GGPS1: variants seen among roughly 807,000 people sequenced by gnomAD.
GGPS1 encodes the protein geranylgeranyl pyrophosphate synthase.
In GGPS1, 15 loss-of-function variants were observed where a neutral mutation model predicts 28.1. That is an observed-to-expected ratio of 0.53 (90% CI 0.36 to 0.82). The LOEUF is 0.82. Among genes scored for constraint, GGPS1 ranks in the 40% least tolerant of loss-of-function variants. GGPS1 has a pLI of 0.01. For missense variants in GGPS1, 284 were observed against 348.3 expected (o/e 0.82, Z 1.47); for synonymous variants, 138 against 122.4 (o/e 1.13, Z -0.84).
rs1676085205 is a variant in GGPS1, at chr1:235,342,597, T to C, written c.728T>C (p.Ile243Thr). Residue 243 changes from isoleucine (I) to threonine (T), a missense_variant, in exon 4 of 4, where the codon ATA becomes ACA. Transcript: ENST00000282841. Reference protein sequence around the residue: ...ILRQRTENIDIKKYCVHYLED... With the variant: ...ILRQRTENIDTKKYCVHYLED... The stretch of plus-strand genomic sequence containing the variant: ...CGCCAGAGAACAGAAAACATAGATA[T>C]AAAAAAATACTGTGTACATTATCTT... 1 of 1,611,488 alleles carries C rather than the reference T, an allele frequency of 6.2e-7. No homozygotes were observed. Among genetic ancestry groups the C allele is most frequent in the Non-Finnish European group, 8.5e-7 (1 of 1,177,648 alleles).
intron 1 of GGPS1, 22 bp downstream of exon 1, chr1:235,328,800 TG>T: frequency 9.4e-6 from 1 of 106,672 alleles, no homozygotes; most frequent in Non-Finnish European, 1.9e-5. Context: ...TGGCGGCGGC[TG>T]GGGGGAACCC....
At chr1:235,329,363 AC>A (rs1211556185) in intron 1 of GGPS1, 1 of 152,260 alleles carries the variant, frequency 6.6e-6, no homozygotes, top group Non-Finnish European at 1.5e-5. Context: ...GCCTTCGTAG[AC>A]CTGCGCCTGG....
At chr1:235,338,093 GA>G (rs1214963822) in intron 2 of GGPS1, among the ~76,000 whole-genome samples, 1 of 151,964 alleles carries the variant, frequency 6.6e-6, no homozygotes, top group Non-Finnish European at 1.5e-5. Flanking sequence ...AATTATTTTG[GA>G]ACTCAGCCAG....
chr1:235,333,879 A>G (rs1675792360), intron 1 of GGPS1, among the ~76,000 whole-genome samples: 1 of 152,234 alleles, frequency 6.6e-6, no homozygotes, highest in Admixed American at 6.5e-5. Context: ...CCCAAGAAGC[A>G]AAAGAAAGAG....
At chr1:235,341,670 C>T (rs1483767348) in intron 2 of GGPS1, 38 bp from the exon 3 acceptor site, 11 of 1,099,642 alleles carry the variant, frequency 1.0e-5, no homozygotes, top group Non-Finnish European at 1.4e-5. Flanking sequence ...ATAATTAAAA[C>T]ACTTATCACA....
chr1:235,332,629 A>G (rs2103340231), intron 1 of GGPS1, among the ~76,000 whole-genome samples: 1 of 152,258 alleles, frequency 6.6e-6, no homozygotes, highest in South Asian at 2.1e-4. Context: ...CAGTGTGTTT[A>G]TTTACTGAAA....
rs138463872 is a variant in GGPS1 at position 235,335,354 on chromosome 1, C to G, written c.70+20C>G. 3,972 of 1,132,788 alleles carry G rather than the reference C, an allele frequency of 3.5e-3. 7 individuals are homozygous for G. Among genetic ancestry groups the G allele is most frequent in the Middle Eastern group, 4.9e-3 (25 of 5,110 alleles). 70.2% of individuals were successfully genotyped at this position (1,132,788 alleles called of 1,614,324 possible). On this transcript the variant is annotated intron_variant, in intron 2 of 3. Transcript: ENST00000282841. Reference sequence around the variant, plus strand: ...TACCAGGTAATACTTCACTTACAGTCCATATAGGGTCATTTTCATGCAGTA... The same window carrying G: ...TACCAGGTAATACTTCACTTACAGTGCATATAGGGTCATTTTCATGCAGTA...
At position 235,335,315 on chromosome 1, in the gene GGPS1, ATACT is replaced by A. The variant is rs763933452; in HGVS notation, c.57_60del (p.Leu19PhefsTer8). 3 of 1,528,604 alleles carry A rather than the reference ATACT, an allele frequency of 2.0e-6. No individual in the cohort carries two copies. Among genetic ancestry groups the A allele is most frequent in the Non-Finnish European group, 1.8e-6 (2 of 1,104,012 alleles). 94.7% of individuals were successfully genotyped at this position (1,528,604 alleles called of 1,614,324 possible). A position where few individuals can be genotyped will look rare whatever the true frequency, so the allele number is the denominator to read the frequency against. Reference sequence around the variant, plus strand: ...AAAGAATTCTTCTAGAACCCTATAAATACTTACTTCAGTTACCAGGTAATACTTC... The same window carrying A: ...AAAGAATTCTTCTAGAACCCTATAAATACTTCAGTTACCAGGTAATACTTC... On this transcript the variant is annotated frameshift_variant, in exon 2 of 4. Coordinates refer to ENST00000282841, the MANE Select transcript of GGPS1 (RefSeq NM_004837.4). LOFTEE classifies it high-confidence loss of function.
intron 1 of GGPS1, among the ~76,000 whole-genome samples, chr1:235,333,746 A>T (rs1012238145): frequency 6.6e-6 from 1 of 152,178 alleles, no homozygotes; most frequent in East Asian, 1.9e-4. Flanking sequence ...AAATCCAATG[A>T]TGTGCAACTC....
At chr1:235,332,162 G>T (rs969317518) in intron 1 of GGPS1, among the ~76,000 whole-genome samples, 6 of 152,128 alleles carry the variant, frequency 3.9e-5, no homozygotes, top group African/African-American at 1.4e-4. Flanking sequence ...CTTTTAGGGG[G>T]TCCATCACCC....
At chr1:235,341,591 G>C (rs1016464792) in intron 2 of GGPS1, 117 bp from the exon 3 acceptor site, 7 of 715,714 alleles carry the variant, frequency 9.8e-6, no homozygotes, top group African/African-American at 8.9e-5. Context: ...GGATTGATGA[G>C]GCTGGATTTA....
intron 2 of GGPS1, among the ~76,000 whole-genome samples, chr1:235,340,169 C>T (rs555934317): frequency 3.3e-5 from 5 of 152,058 alleles, no homozygotes; most frequent in African/African-American, 9.6e-5. Context: ...TTGAGCTTTC[C>T]GTGTAAGAAA....
At chr1:235,332,107 T>A (rs1675734358) in intron 1 of GGPS1, among the ~76,000 whole-genome samples, 1 of 152,174 alleles carries the variant, frequency 6.6e-6, no homozygotes, top group Non-Finnish European at 1.5e-5. Context: ...GGGGTGCAAG[T>A]GTAGTTTTAT....
intron 3 of GGPS1, 109 bp from the exon 4 acceptor site, chr1:235,341,902 T>C (rs1050825634): frequency 2.3e-6 from 2 of 853,344 alleles, no homozygotes; most frequent in Non-Finnish European, 3.6e-6. Flanking sequence ...GGTTGCTAAA[T>C]ATTTATTAGT....
In GGPS1 at chr1:235,335,366, A is replaced by G. The variant is rs541686720; in HGVS notation, c.70+32A>G. 5.2e-6 allele frequency: 5 copies of G among 969,972 alleles called. No individual in the cohort carries two copies. In the South Asian group the frequency reaches 5.5e-5, roughly 11 times the overall value. 60.1% of individuals were successfully genotyped at this position (969,972 alleles called of 1,614,324 possible). A position where few individuals can be genotyped will look rare whatever the true frequency, so the allele number is the denominator to read the frequency against. ...CTTCACTTACAGTCCATATAGGGTC[A>G]TTTTCATGCAGTAGTGGTCGTTCAA... is the stretch of plus-strand genomic sequence containing the variant. On this transcript the variant is annotated intron_variant, in intron 2 of 3. Coordinates refer to ENST00000282841, the MANE Select transcript of GGPS1 (RefSeq NM_004837.4).
intron 1 of GGPS1, 86 bp from the exon 2 acceptor site, chr1:235,335,156 A>AT: frequency 1.6e-6 from 1 of 643,534 alleles, no homozygotes; most frequent in African/African-American, 1.8e-5. Context: ...TCTTTTCACA[A>AT]ACACCCTGCA....
rs1675713135 is a variant in GGPS1, at chr1:235,331,443, T to C, written c.-24+2665T>C. 1.3e-5 allele frequency among the ~76,000 whole-genome samples: 2 copies of C among 152,202 alleles called. 1 individual carries two copies. Among genetic ancestry groups the C allele is most frequent in the South Asian group, 4.1e-4 (2 of 4,834 alleles). On this transcript the variant is annotated intron_variant, in intron 1 of 3. Transcript: ENST00000282841. The stretch of plus-strand genomic sequence containing the variant: ...AGCTAGTGGAATTTATGTCTTAGCT[T>C]GTTATAACACAAACACGAATATTTG...
chr1:235,332,450 C>T (rs560677641), intron 1 of GGPS1, among the ~76,000 whole-genome samples: 2 of 152,234 alleles, frequency 1.3e-5, no homozygotes, highest in African/African-American at 4.8e-5. Context: ...ACCACATTTT[C>T]TTTATTCAGT....
Position 235,341,720 on chromosome 1 carries a change from G to A in GGPS1, c.83G>A (p.Arg28Lys), listed in dbSNP as rs1676050261. ...YLLQLPGKQV[R>K]TKLSQAFNHW... ...TTTTAAATTGCAGGTAAACAAGTGA[G>A]AACCAAACTTTCACAGGCATTTAAT... The change falls in exon 3 of 4, where the codon AGA (arginine) becomes AAA (lysine). Residue 28 changes from arginine to lysine, a missense_variant. Arg to Lys is a conservative substitution (Grantham distance 26). Transcript: ENST00000282841. 3 of 1,584,602 alleles carry A rather than the reference G, an allele frequency of 1.9e-6. No individual in the cohort carries two copies. Among genetic ancestry groups the A allele is most frequent in the Admixed American group, 1.7e-5 (1 of 59,732 alleles).
Sources: gnomAD v4.1 joint callset for allele counts (sites outside exome capture counted in the v4.1 genomes callset) on GRCh38, gnomAD v4.1.1 for gene constraint, MANE v1.5 for transcripts, NCBI Gene and HGNC (gene_info 2026-07-23, HGNC 2026-07-21) for gene names.